Variants in PLCXD1 observed in about 807,000 individuals in gnomAD.
PLCXD1 encodes PI-PLC X domain-containing protein 1.
Under a neutral mutation model 37.8 loss-of-function variants are expected in PLCXD1, and 45 were observed. The ratio of observed to expected loss-of-function variants is 1.19; its 90% CI spans 0.94 to 1.53. The LOEUF (loss-of-function observed/expected upper bound fraction) is 1.53, where lower values mean the gene tolerates loss of function less well. Ranked by LOEUF, PLCXD1 falls within the 40% of genes most tolerant of loss-of-function variation. The probability of loss-of-function intolerance (pLI) is 0.00; values close to 1 mark genes in which losing one functional copy is unlikely to be tolerated. For missense variants in PLCXD1, 539 were observed against 454.7 expected (o/e 1.19, Z -1.69); for synonymous variants, 246 against 206.9 (o/e 1.19, Z -1.62).
At chrX:279,872 G>A (rs947969506), upstream of PLCXD1, among the ~76,000 whole-genome samples, 1 of 151,674 alleles carries the variant, frequency 6.6e-6, no homozygotes, top group Non-Finnish European at 1.5e-5. Context: ...GTTTTTGAAC[G>A]GGAGTCTCAC....
chrX:278,723 A>G (rs1377563254), upstream of PLCXD1, among the ~76,000 whole-genome samples: 37 of 131,526 alleles, frequency 2.8e-4, no homozygotes, highest in African/African-American at 9.6e-4. Context: ...TGGGAGACAG[A>G]GCAAGACTCC....
Position 291,484 on chromosome X carries a change from C to A in PLCXD1, c.394-15C>A. 1 of 1,611,984 alleles carries A rather than the reference C, an allele frequency of 6.2e-7. No homozygotes were observed. The highest frequency in any genetic ancestry group is 8.5e-7 in the Non-Finnish European group (1 of 1,179,718). Reference sequence around the variant, plus strand: ...TGGAGTCGTGCAGGACTCAGCCCAGCACCCCCCTCCCCAGGACACACTCAC... The same window carrying A: ...TGGAGTCGTGCAGGACTCAGCCCAGAACCCCCCTCCCCAGGACACACTCAC... On this transcript the variant is annotated splice_polypyrimidine_tract_variant and intron_variant, in intron 4 of 6. Transcript: ENST00000381657.
At chrX:281,912 T>A (rs776773249) in intron 1 of PLCXD1, among the ~76,000 whole-genome samples, 1 of 152,102 alleles carries the variant, frequency 6.6e-6, no homozygotes, top group South Asian at 2.1e-4. Flanking sequence ...CACGGCCGGC[T>A]ACTTTTTGTA....
intron 6 of PLCXD1, among the ~76,000 whole-genome samples, chrX:296,882 C>T (rs754788889): frequency 0.043 from 5,016 of 115,438 alleles, 26 homozygotes; most frequent in Middle Eastern, 0.085. Flanking sequence ...ATTCTGTCTC[C>T]CACATGGGGA....
intron 6 of PLCXD1, among the ~76,000 whole-genome samples, chrX:297,631 G>C (rs1602913395): frequency 2.0e-5 from 1 of 49,988 alleles, no homozygotes; most frequent in East Asian, 8.3e-4. Flanking sequence ...ATGGGGATTA[G>C]GACGTGGACA....
chrX:293,092 G>T lies in PLCXD1; in HGVS notation c.607G>T (p.Glu203Ter). The T allele has an allele frequency of 6.2e-7, 1 of 1,612,014 alleles. No homozygotes were observed. Residue 203 changes from glutamate (E) to a stop codon, truncating the protein, a stop_gained, in exon 6 of 7, where the codon GAA becomes TAA. Transcript: ENST00000381657. LOFTEE classifies it high-confidence loss of function. Reference protein sequence around the residue: ...SRGQQVIVSYEDESSLRRHHE... With the variant: ...SRGQQVIVSY ...GGGCCAACAGGTCATCGTCTCCTATGAAGACGAGAGCTCCTTGCGCCGGCA... is the reference window on the plus strand; with the variant it reads ...GGGCCAACAGGTCATCGTCTCCTATTAAGACGAGAGCTCCTTGCGCCGGCA...
At position 299,630 on chromosome X, in the gene PLCXD1, G is replaced by C. The variant is rs755106253; in HGVS notation, c.*295G>C. 12 of 512,682 alleles carry C rather than the reference G, an allele frequency of 2.3e-5. No homozygotes were observed. The highest frequency in any genetic ancestry group is 3.5e-5 in the Non-Finnish European group (10 of 285,828). The allele number at this position is 512,682 out of a possible 1,614,324, so 31.8% of individuals were successfully genotyped here. A position where few individuals can be genotyped will look rare whatever the true frequency, so the allele number is the denominator to read the frequency against. ...AAACTTAGCTGGGTGTGTGGCAGGC[G>C]CCTGTAGTCCCAGTTACTCGGGAGG... On this transcript the variant is annotated 3_prime_UTR_variant, in exon 7 of 7. Coordinates refer to ENST00000381657, the MANE Select transcript of PLCXD1 (RefSeq NM_018390.4).
chrX:278,608 G>A (rs776770548), upstream of PLCXD1, among the ~76,000 whole-genome samples: 1 of 151,844 alleles, frequency 6.6e-6, no homozygotes, highest in South Asian at 2.1e-4. Flanking sequence ...GTGTGGTGGT[G>A]GGCGCCTGTA....
chrX:297,665 A>C (rs1245643019), intron 6 of PLCXD1, among the ~76,000 whole-genome samples: 5 of 37,278 alleles, frequency 1.3e-4, no homozygotes, highest in Admixed American at 5.1e-4. Flanking sequence ...TATTCTGTCT[A>C]TCACATGGGG....
intron 6 of PLCXD1, among the ~76,000 whole-genome samples, chrX:293,800 T>A (rs183760996): frequency 2.6e-5 from 4 of 152,118 alleles, no homozygotes; most frequent in Non-Finnish European, 2.9e-5. Flanking sequence ...GTGAATCCAT[T>A]TACAGGAAAT....
intron 6 of PLCXD1, among the ~76,000 whole-genome samples, chrX:295,980 ATTT>A (rs199721789): frequency 6.7e-6 from 1 of 148,856 alleles, no homozygotes; most frequent in South Asian, 2.1e-4. Context: ...CGCCCGGCTA[ATTT>A]TTATTTTTAG....
chrX:276,891 C>T (rs184093253), upstream of PLCXD1, among the ~76,000 whole-genome samples: 376 of 152,276 alleles, frequency 2.5e-3, 3 homozygotes, highest in African/African-American at 8.3e-3. Flanking sequence ...CGCGTCACGG[C>T]CACTCACGCC....
At chrX:285,320 G>A (rs1300615252) in intron 2 of PLCXD1, among the ~76,000 whole-genome samples, 2 of 151,668 alleles carry the variant, frequency 1.3e-5, no homozygotes, top group African/African-American at 4.9e-5. Context: ...GCACATGTGC[G>A]GGTGTGTACA....
chrX:287,339 T>G (rs1391091919), intron 2 of PLCXD1, among the ~76,000 whole-genome samples: 1 of 141,352 alleles, frequency 7.1e-6, no homozygotes, highest in African/African-American at 2.5e-5. Flanking sequence ...ATAAACATAA[T>G]ATGTGGATAT....
chrX:277,337 G>T, upstream of PLCXD1, among the ~76,000 whole-genome samples: 1 of 44,040 alleles, frequency 2.3e-5, no homozygotes, highest in African/African-American at 6.4e-5. Flanking sequence ...GAGGGGAGGG[G>T]TTGGGGAACG....
chrX:284,191 G>T lies in PLCXD1; in HGVS notation c.4G>T (p.Gly2Cys), dbSNP rs2069369049. ...GGTTGCCCAGGGCTCACCTCTGATG[G>T]GTGGGCAGGTGAGCGCTTCCAACAG... M[G>C]GQVSASNSFS... Residue 2 changes from glycine to cysteine, a missense_variant, in exon 2 of 7, where the codon GGT becomes TGT. By Grantham distance (159) the Gly-to-Cys change is radical. Coordinates refer to ENST00000381657, the MANE Select transcript of PLCXD1 (RefSeq NM_018390.4). 1 of 1,613,150 alleles carries T rather than the reference G, an allele frequency of 6.2e-7. No homozygotes were observed.
intron 5 of PLCXD1, 51 bp downstream of exon 5, chrX:291,705 C>G: frequency 6.3e-7 from 1 of 1,578,452 alleles, no homozygotes; most frequent in Non-Finnish European, 8.7e-7. Context: ...GGGGCATCGT[C>G]AGCCTCAGAC....
intron 3 of PLCXD1, among the ~76,000 whole-genome samples, chrX:289,548 C>T (rs1036320437): frequency 2.1e-5 from 3 of 139,706 alleles, no homozygotes; most frequent in Non-Finnish European, 3.0e-5. Context: ...AGTCTCACTG[C>T]CGCCCAGGCT....
chrX:285,380 A>G (rs1010357374), intron 2 of PLCXD1, among the ~76,000 whole-genome samples: 2 of 152,096 alleles, frequency 1.3e-5, no homozygotes, highest in Non-Finnish European at 2.9e-5. Flanking sequence ...ACATGTATAT[A>G]TATATTTGCA....
Sources: gnomAD v4.1 joint callset for allele counts (sites outside exome capture counted in the v4.1 genomes callset) on GRCh38, gnomAD v4.1.1 for gene constraint, MANE v1.5 for transcripts, NCBI Gene and HGNC (gene_info 2026-07-23, HGNC 2026-07-21) for gene names.